Variants in DSCAML1 observed in about 807,000 individuals in gnomAD.
DSCAML1 encodes the protein DS cell adhesion molecule like 1, also known as cell adhesion molecule DSCAML1.
A neutral mutation model predicts 200.5 loss-of-function variants in DSCAML1; 38 were observed. That is an observed-to-expected ratio of 0.19 (90% CI 0.15 to 0.25). The LOEUF (loss-of-function observed/expected upper bound fraction) is 0.25, where lower values mean the gene tolerates loss of function less well. Ranked by LOEUF, DSCAML1 falls within the 10% of genes least tolerant of loss-of-function variation. The pLI is 1.00. For missense variants in DSCAML1, 2,223 were observed against 2,858.8 expected (o/e 0.78, Z 5.07); for synonymous variants, 1,215 against 1,165.0 (o/e 1.04, Z -0.87).
chr11:117,792,224 G>T (rs2055480588), intron 1 of DSCAML1, among the ~76,000 whole-genome samples: 1 of 152,150 alleles, frequency 6.6e-6, no homozygotes, highest in South Asian at 2.1e-4. Context: ...GGGCTCTGGT[G>T]GGCCAGGCCC....
chr11:117,802,557 G>A (rs1322442703), intron 1 of DSCAML1, among the ~76,000 whole-genome samples: 2 of 152,178 alleles, frequency 1.3e-5, no homozygotes, highest in Non-Finnish European at 2.9e-5. Flanking sequence ...CCAGAGAGAT[G>A]TCCCTTAACT....
intron 3 of DSCAML1, among the ~76,000 whole-genome samples, chr11:117,605,769 C>A (rs778486433): frequency 3.9e-5 from 6 of 152,140 alleles, no homozygotes; most frequent in Non-Finnish European, 7.3e-5. Context: ...GTAGAGAACT[C>A]GCTGGAGCCA....
intron 3 of DSCAML1, among the ~76,000 whole-genome samples, chr11:117,744,333 T>G (rs1381752146): frequency 6.6e-6 from 1 of 152,196 alleles, no homozygotes; most frequent in Non-Finnish European, 1.5e-5. Context: ...GCGGGGCCTC[T>G]AAAACCTTAG....
chr11:117,606,366 C>T (rs558126529), intron 3 of DSCAML1, among the ~76,000 whole-genome samples: 3 of 152,294 alleles, frequency 2.0e-5, no homozygotes, highest in Non-Finnish European at 4.4e-5. Flanking sequence ...TAAACTCCCC[C>T]GCTGTGAGAG....
chr11:117,473,649 G>T (rs957314995), intron 14 of DSCAML1, among the ~76,000 whole-genome samples: 1 of 152,202 alleles, frequency 6.6e-6, no homozygotes, highest in Non-Finnish European at 1.5e-5. Context: ...AGCTGCTCAG[G>T]CTTAGCATCT....
chr11:117,717,715 G>A (rs551330621), intron 3 of DSCAML1, among the ~76,000 whole-genome samples: 4 of 152,064 alleles, frequency 2.6e-5, no homozygotes, highest in Admixed American at 6.5e-5. Flanking sequence ...CCATACTCAC[G>A]CTCCCACAAT....
chr11:117,750,540 C>T (rs923637905), intron 3 of DSCAML1, among the ~76,000 whole-genome samples: 67 of 152,162 alleles, frequency 4.4e-4, no homozygotes, highest in African/African-American at 2.4e-4. Context: ...AAATGTCTCC[C>T]GGGCGTGTCT....
intron 14 of DSCAML1, among the ~76,000 whole-genome samples, chr11:117,477,198 G>C (rs905096220): frequency 6.9e-6 from 1 of 144,572 alleles, no homozygotes; most frequent in Non-Finnish European, 1.5e-5. Flanking sequence ...GCTGTCCTTA[G>C]ACACACACAC....
At chr11:117,598,898 A>AT (rs1000302968) in intron 3 of DSCAML1, among the ~76,000 whole-genome samples, 14 of 152,114 alleles carry the variant, frequency 9.2e-5, no homozygotes, top group Admixed American at 2.0e-4. Flanking sequence ...TTAGTGGTAT[A>AT]TTTTTTTGGG....
intron 3 of DSCAML1, among the ~76,000 whole-genome samples, chr11:117,770,596 A>G (rs2055018975): frequency 6.6e-6 from 1 of 152,020 alleles, no homozygotes; most frequent in Non-Finnish European, 1.5e-5. Context: ...ATCACTGGAG[A>G]GAAGAGAGGT....
In DSCAML1 at chr11:117,524,974, G is replaced by A; in HGVS notation, c.768C>T (p.Ala256=). 6.2e-7 allele frequency: 1 copy of A among 1,612,994 alleles called. No individual in the cohort carries two copies. The highest frequency in any genetic ancestry group is 8.5e-7 in the Non-Finnish European group (1 of 1,179,708). ...GCCGGCCATCCTTGAGCCAGCGGAT[G>A]GCGGGGATAGGGTAGCCCGAGGCGG... The part of the protein sequence containing the change: ...PCTASGYPIP[A]IRWLKDGRPL... Residue 256 remains alanine, a synonymous_variant, in exon 5 of 33, where the codon GCC becomes GCT. Coordinates refer to ENST00000651296, the MANE Select transcript of DSCAML1 (RefSeq NM_020693.4).
rs1565731282 is a variant in DSCAML1, at chr11:117,486,370, T to TGTGAAAGTGGCG, written c.2360-4209_2360-4208insCGCCACTTTCAC. ...TGATAATGGCGGATGTGAAAGTGGC[T>TGTGAAAGTGGCG]GATGTGAAAATGGCGGATGTGAAAG... is the stretch of plus-strand genomic sequence containing the variant. On this transcript the variant is annotated intron_variant, in intron 11 of 32. Coordinates refer to ENST00000651296, the MANE Select transcript of DSCAML1 (RefSeq NM_020693.4). Among the ~76,000 whole-genome samples the TGTGAAAGTGGCG allele has an allele frequency of 2.7e-4, 38 of 139,132 alleles. 1 individual carries two copies. The highest frequency in any genetic ancestry group is 9.5e-4 in the African/African-American group (36 of 38,034). The allele number at this position is 139,132 out of a possible 152,430, so 91.3% of individuals were successfully genotyped here.
At chr11:117,713,412 G>C (rs984052246) in intron 3 of DSCAML1, among the ~76,000 whole-genome samples, 4 of 152,054 alleles carry the variant, frequency 2.6e-5, no homozygotes, top group African/African-American at 9.7e-5. Context: ...CACCACGTCC[G>C]GCCACCAATG....
intron 3 of DSCAML1, among the ~76,000 whole-genome samples, chr11:117,757,573 TACACACACACACACACACACACACAC>T (rs5795104): frequency 6.4e-4 from 94 of 146,908 alleles, no homozygotes; most frequent in African/African-American, 2.1e-3. Context: ...TAGGAGCCTA[TACACACACACACACACACACACACAC>T]ACACACACAC....
chr11:117,729,556 A>G (rs2054186065), intron 3 of DSCAML1, among the ~76,000 whole-genome samples: 1 of 152,246 alleles, frequency 6.6e-6, no homozygotes, highest in African/African-American at 2.4e-5. Context: ...GAATACATAA[A>G]GAATTCCTAC....
At chr11:117,579,906 A>C (rs2051010673) in intron 3 of DSCAML1, among the ~76,000 whole-genome samples, 1 of 152,234 alleles carries the variant, frequency 6.6e-6, no homozygotes, top group African/African-American at 2.4e-5. Context: ...GGTTTTGTGG[A>C]GTCCAAAAGT....
Position 117,790,714 on chromosome 11 carries a change from A to G in DSCAML1, c.46+6320T>C, listed in dbSNP as rs1591514415. Among the ~76,000 whole-genome samples, 3 of 152,240 alleles carry G rather than the reference A, an allele frequency of 2.0e-5. No homozygotes were observed. The East Asian group carries it at 5.8e-4, about 29-fold the overall frequency. On this transcript the variant is annotated intron_variant, in intron 1 of 32. Transcript: ENST00000651296. ...TTATTTATGCACATATACAGTAACA[A>G]CTGCTCTGTAGGATAGCCAGGACGG...
At chr11:117,546,724 A>T (rs1250438407) in intron 3 of DSCAML1, among the ~76,000 whole-genome samples, 2 of 151,944 alleles carry the variant, frequency 1.3e-5, no homozygotes, top group African/African-American at 4.8e-5. Flanking sequence ...AATCTGGGGG[A>T]GGGGGTGCAG....
rs756267742 is a variant in DSCAML1 at position 117,482,076 on chromosome 11, G to A, written c.2446C>T (p.Arg816Trp). The A allele has an allele frequency of 1.1e-5, 18 of 1,614,182 alleles. No individual in the cohort carries two copies. The highest frequency in any genetic ancestry group is 1.3e-5 in the African/African-American group (1 of 75,050). The change falls in exon 12 of 33, where the codon CGG becomes TGG. Residue 816 changes from arginine (R) to tryptophan (W), a missense_variant. By Grantham distance (101) the Arg-to-Trp change is moderately radical (BLOSUM62 -3). Transcript: ENST00000651296. ...KELNCTARGE[R>W]PIIIRWEKGD... is the part of the protein sequence containing the mutation. ...TTCTCCCAGCGGATGATGATGGGCC[G>A]CTCACCCCGTGCCGTGCAGTTTAGC...
Sources: gnomAD v4.1 joint callset for allele counts (sites outside exome capture counted in the v4.1 genomes callset) on GRCh38, gnomAD v4.1.1 for gene constraint, MANE v1.5 for transcripts, NCBI Gene and HGNC (gene_info 2026-07-23, HGNC 2026-07-21) for gene names.